Variants in DLGAP2 observed in about 807,000 individuals in gnomAD.
The protein encoded by DLGAP2 is DLG associated protein 2, also known as disks large-associated protein 2.
In DLGAP2, 26 loss-of-function variants were observed where a neutral mutation model predicts 100.3. That is an observed-to-expected ratio of 0.26 (90% CI 0.19 to 0.36). DLGAP2 has a LOEUF of 0.36. DLGAP2 is among the 10% of genes least tolerant of loss of function. DLGAP2 has a pLI of 1.00. For synonymous variants in DLGAP2, 886 were observed against 630.1 expected, an observed-to-expected ratio of 1.41 and a Z score of -6.08; for missense variants, 1,858 against 1,453.2, an observed-to-expected ratio of 1.28 and a Z score of -4.53.
chr8:1,510,983 C>G (rs948847395), intron 4 of DLGAP2, among the ~76,000 whole-genome samples: 5 of 152,218 alleles, frequency 3.3e-5, no homozygotes, highest in Non-Finnish European at 7.3e-5. Context: ...TAGGCTTCTC[C>G]AGATAAATCT....
chr8:1,693,642 C>A (rs1415914197), intron 13 of DLGAP2, among the ~76,000 whole-genome samples: 1 of 152,148 alleles, frequency 6.6e-6, no homozygotes, highest in Non-Finnish European at 1.5e-5. Flanking sequence ...GATGCACAAG[C>A]AAGCCAGAGT....
At chr8:1,569,056 C>A (rs974120063) in intron 6 of DLGAP2, among the ~76,000 whole-genome samples, 3 of 149,198 alleles carry the variant, frequency 2.0e-5, no homozygotes, top group Non-Finnish European at 4.4e-5. Flanking sequence ...CCCCATGCCA[C>A]TGCCCACTCA....
chr8:749,373 G>C (rs1418849361), intron 1 of DLGAP2, among the ~76,000 whole-genome samples: 1 of 152,106 alleles, frequency 6.6e-6, no homozygotes, highest in African/African-American at 2.4e-5. Flanking sequence ...ATAATTCCGT[G>C]ACCTAGAAAT....
chr8:1,618,627 C>CA (rs1797232366), intron 6 of DLGAP2, among the ~76,000 whole-genome samples: 1 of 152,178 alleles, frequency 6.6e-6, no homozygotes, highest in South Asian at 2.1e-4. Context: ...TTGGAGGACT[C>CA]ACGCTATCTG....
intron 3 of DLGAP2, among the ~76,000 whole-genome samples, chr8:1,288,756 G>A (rs900034684): frequency 6.0e-5 from 9 of 149,992 alleles, no homozygotes; most frequent in African/African-American, 2.0e-4. Flanking sequence ...TGTTAGGAGG[G>A]GAACTAGTTT....
At chr8:932,977 G>A (rs948476063) in intron 2 of DLGAP2, among the ~76,000 whole-genome samples, 1 of 152,144 alleles carries the variant, frequency 6.6e-6, no homozygotes, top group Non-Finnish European at 1.5e-5. Flanking sequence ...AACAATATTG[G>A]AAATATATGG....
At chr8:949,125 T>G (rs965324742) in intron 2 of DLGAP2, among the ~76,000 whole-genome samples, 14 of 151,816 alleles carry the variant, frequency 9.2e-5, no homozygotes, top group African/African-American at 2.7e-4. Context: ...TCTGGAGAGG[T>G]TGGGTATTTA....
chr8:1,120,656 A>G (rs551118009), intron 2 of DLGAP2, among the ~76,000 whole-genome samples: 1 of 148,764 alleles, frequency 6.7e-6, no homozygotes, highest in African/African-American at 2.5e-5. Context: ...CATGACTATA[A>G]ACCCTAGTCC....
Position 1,240,682 on chromosome 8 carries a change from C to T in DLGAP2, c.74-18169C>T, listed in dbSNP as rs187235735. On this transcript the variant is annotated intron_variant, in intron 2 of 14. Transcript: ENST00000637795. ...CATCGTGTCTGGTTCTCTCACATGGCGCCATGTCTGGTTCTCTCACATGGT... is the reference window on the plus strand; with the variant it reads ...CATCGTGTCTGGTTCTCTCACATGGTGCCATGTCTGGTTCTCTCACATGGT... Among the ~76,000 whole-genome samples, 911 of 151,150 alleles carry T rather than the reference C, an allele frequency of 6.0e-3. 10 individuals carry two copies. Among genetic ancestry groups the T allele is most frequent in the African/African-American group, 0.021 (852 of 41,154 alleles).
chr8:1,489,343 C>T (rs567657371), intron 3 of DLGAP2, among the ~76,000 whole-genome samples: 5 of 152,256 alleles, frequency 3.3e-5, no homozygotes, highest in South Asian at 2.1e-4. Flanking sequence ...CGGTGACTGG[C>T]GGAGTGGATG....
rs1358689362 is a variant in DLGAP2 at position 1,258,881 on chromosome 8, A to C, written c.104A>C (p.Glu35Ala). The change falls in exon 3 of 15, where the codon GAA becomes GCA. Residue 35 changes from glutamate (E) to alanine (A), a missense_variant and splice_region_variant. Glu to Ala is a moderately radical substitution (Grantham distance 107). Coordinates refer to ENST00000637795, the MANE Select transcript of DLGAP2 (RefSeq NM_001346810.2). ...CAGTGCACGCTCTGCGGGGAGCCGG[A>C]AGGTGAGTACCTGACATGCTGCCTG... Reference protein sequence around the residue: ...ESQCTLCGEPEEEEAGDLVQP... With the variant: ...ESQCTLCGEPAEEEAGDLVQP... 8.1e-7 allele frequency: 1 copy of C among 1,231,704 alleles called. No homozygotes were observed. Among genetic ancestry groups the C allele is most frequent in the Non-Finnish European group, 1.0e-6 (1 of 988,026 alleles). The allele number at this position is 1,231,704 out of a possible 1,614,324, so 76.3% of individuals were successfully genotyped here.
intron 2 of DLGAP2, among the ~76,000 whole-genome samples, chr8:1,084,078 T>A (rs1417904129): frequency 6.6e-6 from 1 of 152,222 alleles, no homozygotes; most frequent in Non-Finnish European, 1.5e-5. Flanking sequence ...TCACATTTTA[T>A]TATTTGTATG....
chr8:813,247 A>G (rs1463031928), intron 1 of DLGAP2, among the ~76,000 whole-genome samples: 1 of 152,026 alleles, frequency 6.6e-6, no homozygotes, highest in Non-Finnish European at 1.5e-5. Flanking sequence ...CTAGTGGTTT[A>G]TATTTCCTTT....
chr8:872,781 C>G (rs1478342141), intron 1 of DLGAP2, among the ~76,000 whole-genome samples: 4 of 152,120 alleles, frequency 2.6e-5, no homozygotes, highest in Non-Finnish European at 5.9e-5. Context: ...CTCTCCTCAC[C>G]CAAAATTGAA....
chr8:1,564,190 C>T (rs746521303), intron 5 of DLGAP2, among the ~76,000 whole-genome samples: 4 of 152,158 alleles, frequency 2.6e-5, no homozygotes, highest in Admixed American at 2.6e-4. Flanking sequence ...TACCCAGAGC[C>T]TCTGGGGAGC....
At chr8:1,272,247 C>T (rs149766238) in intron 3 of DLGAP2, among the ~76,000 whole-genome samples, 132 of 152,224 alleles carry the variant, frequency 8.7e-4, no homozygotes, top group African/African-American at 3.2e-3. Flanking sequence ...GTTGGTATTT[C>T]TGCAGTTAGA....
chr8:1,412,441 A>G (rs146098109), intron 3 of DLGAP2, among the ~76,000 whole-genome samples: 97 of 152,322 alleles, frequency 6.4e-4, no homozygotes, highest in African/African-American at 2.2e-3. Context: ...TGCTAAATGC[A>G]TGCATGCATC....
At chr8:1,443,965 G>C (rs1366435306) in intron 3 of DLGAP2, among the ~76,000 whole-genome samples, 1 of 152,190 alleles carries the variant, frequency 6.6e-6, no homozygotes, top group African/African-American at 2.4e-5. Context: ...ACAGAGCTGT[G>C]ACTTAAGCTT....
intron 2 of DLGAP2, among the ~76,000 whole-genome samples, chr8:1,085,496 A>T (rs747493241): frequency 1.1e-4 from 17 of 152,074 alleles, no homozygotes; most frequent in Admixed American, 6.5e-4. Flanking sequence ...TTCAGTTCTG[A>T]TGTGTAAATC....
Sources: gnomAD v4.1 joint callset for allele counts (sites outside exome capture counted in the v4.1 genomes callset) on GRCh38, gnomAD v4.1.1 for gene constraint, MANE v1.5 for transcripts, NCBI Gene and HGNC (gene_info 2026-07-23, HGNC 2026-07-21) for gene names.